MAPK10: variants seen among roughly 807,000 people sequenced by gnomAD.
The protein encoded by MAPK10 is JNK3 alpha protein kinase.
MAPK10 carries 25 observed loss-of-function variants against 59.3 expected under a neutral mutation model. The ratio of observed to expected loss-of-function variants is 0.42; its 90% confidence interval spans 0.31 to 0.59. MAPK10 has a LOEUF of 0.59. Among genes scored for constraint, MAPK10 ranks in the 20% least tolerant of loss-of-function variants. The probability of loss-of-function intolerance (pLI) is 0.15; values close to 1 mark genes in which losing one functional copy is unlikely to be tolerated. For missense variants in MAPK10, 351 were observed against 568.9 expected, an observed-to-expected ratio of 0.62 and a Z score of 3.90; for synonymous variants, 190 against 200.5, an observed-to-expected ratio of 0.95 and a Z score of 0.44.
At chr4:86,575,711 TA>T (rs1761831629) in intron 1 of MAPK10, among the ~76,000 whole-genome samples, 1 of 151,402 alleles carries the variant, frequency 6.6e-6, no homozygotes, top group Non-Finnish European at 1.5e-5. Context: ...GATTACTTTT[TA>T]AATGGTAAAG....
At chr4:86,379,314 G>A (rs1740315225) in intron 1 of MAPK10, among the ~76,000 whole-genome samples, 1 of 152,158 alleles carries the variant, frequency 6.6e-6, no homozygotes, top group South Asian at 2.1e-4. Context: ...TTTTGCATGT[G>A]AATAATGCCT....
At chr4:86,468,841 G>A (rs1393007045) in intron 1 of MAPK10, among the ~76,000 whole-genome samples, 1 of 149,106 alleles carries the variant, frequency 6.7e-6, no homozygotes, top group Non-Finnish European at 1.5e-5. Flanking sequence ...GTGACAGAGT[G>A]AGACTCCATC....
At chr4:86,204,635 G>A (rs1341184953) in intron 2 of MAPK10, among the ~76,000 whole-genome samples, 1 of 151,978 alleles carries the variant, frequency 6.6e-6, no homozygotes, top group Non-Finnish European at 1.5e-5. Flanking sequence ...GACAACTTCA[G>A]TTTTGTAAAT....
At chr4:86,280,763 TA>T (rs1004241578) in intron 2 of MAPK10, among the ~76,000 whole-genome samples, 5 of 151,548 alleles carry the variant, frequency 3.3e-5, no homozygotes, top group Admixed American at 1.3e-4. Context: ...TATGAAGCCA[TA>T]AAAAAAAGAA....
At chr4:86,041,200 T>C (rs1354689865) in intron 11 of MAPK10, among the ~76,000 whole-genome samples, 1 of 152,146 alleles carries the variant, frequency 6.6e-6, no homozygotes, top group African/African-American at 2.4e-5. Flanking sequence ...CACCTGATCT[T>C]CGACAAACCT....
chr4:86,174,929 G>T (rs915428116), intron 3 of MAPK10, among the ~76,000 whole-genome samples: 15 of 151,896 alleles, frequency 9.9e-5, no homozygotes, highest in Non-Finnish European at 2.1e-4. Flanking sequence ...TCCCTTAGAG[G>T]ATCAAACTTT....
chr4:86,137,170 C>G (rs2062394229), intron 4 of MAPK10, among the ~76,000 whole-genome samples: 1 of 151,708 alleles, frequency 6.6e-6, no homozygotes, highest in Non-Finnish European at 1.5e-5. Context: ...GAACTCAGCT[C>G]TGCACCAAGC....
intron 1 of MAPK10, among the ~76,000 whole-genome samples, chr4:86,372,972 C>T (rs1206337219): frequency 6.6e-6 from 1 of 152,164 alleles, no homozygotes; most frequent in Non-Finnish European, 1.5e-5. Flanking sequence ...GCAAAAAGAA[C>T]AATGCTGGAG....
chr4:86,147,163 T>C (rs4289439), intron 4 of MAPK10, among the ~76,000 whole-genome samples: 86,074 of 151,734 alleles, frequency 0.57, 26,541 homozygotes, highest in South Asian at 0.74. Context: ...CATGGCTCAC[T>C]GCAACCTCCG....
chr4:86,255,787 A>C (rs1272136097), intron 2 of MAPK10, among the ~76,000 whole-genome samples: 1 of 152,178 alleles, frequency 6.6e-6, no homozygotes, highest in African/African-American at 2.4e-5. Context: ...ATAATCCAGC[A>C]CTACCTTGCT....
intron 2 of MAPK10, chr4:86,219,767 T>TA (rs1242968878): frequency 6.6e-6 from 1 of 152,106 alleles, no homozygotes; most frequent in Non-Finnish European, 1.5e-5. Context: ...ATATTCTATA[T>TA]TTTTCAGGTA....
chr4:86,189,446 C>T (rs150054958), intron 3 of MAPK10, among the ~76,000 whole-genome samples: 1 of 152,108 alleles, frequency 6.6e-6, no homozygotes, highest in African/African-American at 2.4e-5. Context: ...TTGTAGTTCT[C>T]CTTGAAGAGG....
At chr4:86,109,718 C>T (rs918559752) in intron 4 of MAPK10, among the ~76,000 whole-genome samples, 3 of 152,146 alleles carry the variant, frequency 2.0e-5, no homozygotes, top group Non-Finnish European at 4.4e-5. Flanking sequence ...ATCTTTACAA[C>T]AGAATGATTT....
At chr4:86,055,865 T>G (rs1561073593) in intron 11 of MAPK10, among the ~76,000 whole-genome samples, 1 of 150,080 alleles carries the variant, frequency 6.7e-6, no homozygotes, top group Non-Finnish European at 1.5e-5. Flanking sequence ...GCTATTAAAT[T>G]TTATATAATA....
At chr4:86,592,311 A>G (rs1184283225) in intron 1 of MAPK10, among the ~76,000 whole-genome samples, 5 of 152,030 alleles carry the variant, frequency 3.3e-5, no homozygotes, top group Non-Finnish European at 7.4e-5. Context: ...CAGAGGGATT[A>G]CTGGTGAAAA....
rs144051483 is a variant in MAPK10 at position 86,370,561 on chromosome 4, C to T, written c.-121-15917G>A. Among the ~76,000 whole-genome samples, 669 of 151,816 alleles carry T rather than the reference C, an allele frequency of 4.4e-3. 4 individuals carry two copies. The highest frequency in any genetic ancestry group is 0.015 in the African/African-American group (630 of 41,390). ...TCACCATCAAAAAGGAGTTTGTGAT[C>T]TTATTGTTAGACTGGACCACTTGAA... On this transcript the variant is annotated intron_variant, in intron 1 of 13. Coordinates refer to the MAPK10 transcript ENST00000361569.
intron 1 of MAPK10, among the ~76,000 whole-genome samples, chr4:86,519,999 G>T (rs947176369): frequency 6.6e-6 from 1 of 152,150 alleles, no homozygotes; most frequent in Non-Finnish European, 1.5e-5. Context: ...TAATCTGACA[G>T]GTTTTCCTTT....
intron 5 of MAPK10, 137 bp downstream of exon 5, chr4:86,107,086 A>G (rs1157001684): frequency 6.4e-6 from 4 of 629,474 alleles, no homozygotes; most frequent in Admixed American, 3.0e-5. Flanking sequence ...CGAATGTAGC[A>G]TATTGGCAGG....
chr4:86,529,704 T>C (rs1757724601), intron 1 of MAPK10, among the ~76,000 whole-genome samples: 1 of 152,208 alleles, frequency 6.6e-6, no homozygotes, highest in South Asian at 2.1e-4. Flanking sequence ...GGAACAGCGA[T>C]GGGTGGTTGG....
Sources: gnomAD v4.1 joint callset for allele counts (sites outside exome capture counted in the v4.1 genomes callset) on GRCh38, gnomAD v4.1.1 for gene constraint, MANE v1.5 for transcripts, NCBI Gene and HGNC (gene_info 2026-07-23, HGNC 2026-07-21) for gene names.